CBFA2T2: variants seen among roughly 807,000 people sequenced by gnomAD.
The protein encoded by CBFA2T2 is protein CBFA2T2.
Under a neutral mutation model 62.2 loss-of-function variants are expected in CBFA2T2, and 11 were observed. The observed-to-expected ratio is 0.18, with a 90% CI of 0.11 to 0.29. The LOEUF (loss-of-function observed/expected upper bound fraction) is 0.29, where lower values mean the gene tolerates loss of function less well. Ranked by LOEUF, CBFA2T2 falls within the 10% of genes least tolerant of loss-of-function variation. The probability of loss-of-function intolerance (pLI) is 1.00; values close to 1 mark genes in which losing one functional copy is unlikely to be tolerated. For synonymous variants in CBFA2T2, 295 were observed against 287.5 expected, an observed-to-expected ratio of 1.03 and a Z score of -0.27; for missense variants, 592 against 774.1, an observed-to-expected ratio of 0.76 and a Z score of 2.79.
At chr20:33,640,644 G>T in intron 10 of CBFA2T2, 113 bp downstream of exon 10, 1 of 935,944 alleles carries the variant, frequency 1.1e-6, no homozygotes, top group Non-Finnish European at 1.6e-6. Flanking sequence ...TGAGCTCAAT[G>T]AGGATAATTT....
chr20:33,622,991 A>C (rs2016051146), intron 4 of CBFA2T2, 124 bp from the exon 5 acceptor site: 1 of 834,434 alleles, frequency 1.2e-6, no homozygotes, highest in South Asian at 1.8e-5. Flanking sequence ...GAAGCATTTG[A>C]AAATCAGACT....
intron 1 of CBFA2T2, chr20:33,574,079 A>T: frequency 6.7e-7 from 1 of 1,490,376 alleles, no homozygotes; most frequent in Non-Finnish European, 9.0e-7. Context: ...AAGAGCCACC[A>T]TACCAGTTCC....
chr20:33,512,753 T>C (rs2011532166), intron 1 of CBFA2T2, among the ~76,000 whole-genome samples: 2 of 149,728 alleles, frequency 1.3e-5, no homozygotes, highest in Non-Finnish European at 3.0e-5. Context: ...TGTATGTCTT[T>C]TTTTTTTTTT....
intron 2 of CBFA2T2, among the ~76,000 whole-genome samples, chr20:33,608,198 A>G (rs2015406440): frequency 6.6e-6 from 1 of 152,194 alleles, no homozygotes; most frequent in African/African-American, 2.4e-5. Context: ...AAGTGTCTTG[A>G]TCTTCATTTG....
chr20:33,530,565 G>T (rs2012030095), intron 1 of CBFA2T2, among the ~76,000 whole-genome samples: 1 of 152,038 alleles, frequency 6.6e-6, no homozygotes, highest in Admixed American at 6.5e-5. Flanking sequence ...TTACAGCCAT[G>T]CGCAGCCACA....
At chr20:33,562,237 C>G (rs549701966) in intron 1 of CBFA2T2, 4 of 209,868 alleles carry the variant, frequency 1.9e-5, no homozygotes, top group Non-Finnish European at 3.3e-5. Context: ...ACAAATTACA[C>G]GTATTTAACA....
At chr20:33,570,204 C>T (rs1297948665) in intron 1 of CBFA2T2, among the ~76,000 whole-genome samples, 1 of 152,196 alleles carries the variant, frequency 6.6e-6, no homozygotes, top group African/African-American at 2.4e-5. Flanking sequence ...TCACTTGAAC[C>T]CAGGAGGCAG....
intron 1 of CBFA2T2, among the ~76,000 whole-genome samples, chr20:33,521,379 A>C (rs900763738): frequency 3.9e-5 from 6 of 152,184 alleles, no homozygotes; most frequent in Non-Finnish European, 8.8e-5. Context: ...AATTCTTTTT[A>C]AATTTCTTCC....
At chr20:33,590,190 G>C (rs1443145358) in intron 1 of CBFA2T2, among the ~76,000 whole-genome samples, 1 of 151,304 alleles carries the variant, frequency 6.6e-6, no homozygotes, top group African/African-American at 2.4e-5. Context: ...AGGCTGCAGT[G>C]AGCCTAGGTT....
chr20:33,640,935 T>C (rs2016812359), intron 10 of CBFA2T2, among the ~76,000 whole-genome samples: 1 of 152,138 alleles, frequency 6.6e-6, no homozygotes, highest in Non-Finnish European at 1.5e-5. Flanking sequence ...GGCCCTAATT[T>C]GCAGATGAGG....
intron 1 of CBFA2T2, among the ~76,000 whole-genome samples, chr20:33,533,193 A>G (rs1202046781): frequency 6.6e-6 from 1 of 152,216 alleles, no homozygotes; most frequent in Non-Finnish European, 1.5e-5. Context: ...CAGGTTTGGC[A>G]GGTATACCTG....
At chr20:33,556,131 T>G (rs1410863077) in intron 1 of CBFA2T2, among the ~76,000 whole-genome samples, 1 of 152,230 alleles carries the variant, frequency 6.6e-6, no homozygotes, top group Non-Finnish European at 1.5e-5. Flanking sequence ...CCTCCCAAAG[T>G]TTTGGGATTA....
intron 1 of CBFA2T2, among the ~76,000 whole-genome samples, chr20:33,546,020 G>A (rs373099265): frequency 6.6e-5 from 10 of 152,116 alleles, no homozygotes; most frequent in African/African-American, 2.4e-4. Flanking sequence ...GTCCTACAAG[G>A]CCTGTATCTT....
chr20:33,511,185 G>C (rs529658939), intron 1 of CBFA2T2, among the ~76,000 whole-genome samples: 3 of 152,092 alleles, frequency 2.0e-5, no homozygotes, highest in African/African-American at 7.2e-5. Flanking sequence ...ATTGCTTTTG[G>C]TGTTTTAGTC....
At chr20:33,553,941 C>T (rs2012815540) in intron 1 of CBFA2T2, among the ~76,000 whole-genome samples, 1 of 151,928 alleles carries the variant, frequency 6.6e-6, no homozygotes, top group South Asian at 2.1e-4. Context: ...TACTAGTAGG[C>T]ATATGCTTTT....
At chr20:33,558,479 C>T (rs575474694) in intron 1 of CBFA2T2, among the ~76,000 whole-genome samples, 13 of 152,150 alleles carry the variant, frequency 8.5e-5, no homozygotes, top group Non-Finnish European at 1.5e-4. Context: ...CTCCCTCCAT[C>T]TCCCTTTTTT....
In CBFA2T2 at chr20:33,513,372, T is replaced by A. The variant is rs1475828458; in HGVS notation, c.34+23071T>A. Among the ~76,000 whole-genome samples, 3 of 151,598 alleles carry A rather than the reference T, an allele frequency of 2.0e-5. 1 individual carries two copies. Among genetic ancestry groups the A allele is most frequent in the African/African-American group, 7.3e-5 (3 of 41,314 alleles). On this transcript the variant is annotated intron_variant, in intron 1 of 10. Coordinates refer to ENST00000342704, the MANE Select transcript of CBFA2T2 (RefSeq NM_001032999.3). ...TTTTTTGTTTTTTTTTTGGTTTTTTTTTTTGAGATAGAGTCTCACTCTTGT... is the reference window on the plus strand; with the variant it reads ...TTTTTTGTTTTTTTTTTGGTTTTTTATTTTGAGATAGAGTCTCACTCTTGT...
At chr20:33,617,248 T>G (rs978294420) in intron 3 of CBFA2T2, among the ~76,000 whole-genome samples, 1 of 152,036 alleles carries the variant, frequency 6.6e-6, no homozygotes, top group Non-Finnish European at 1.5e-5. Context: ...AAAAAAAAAT[T>G]TTTAAGCAAA....
chr20:33,498,620 TC>T (rs1365850894), intron 1 of CBFA2T2, among the ~76,000 whole-genome samples: 1 of 152,102 alleles, frequency 6.6e-6, no homozygotes, highest in East Asian at 1.9e-4. Context: ...GTGGTGCCAC[TC>T]AGCTGTAGTC....
Sources: allele counts gnomAD v4.1 joint callset (sites outside exome capture counted in the v4.1 genomes callset), GRCh38; gene constraint gnomAD v4.1.1; transcripts MANE v1.5; gene names NCBI Gene and HGNC (gene_info 2026-07-23, HGNC 2026-07-21).